Variants in PDE4D observed in about 807,000 individuals in gnomAD.
PDE4D encodes 3',5'-cyclic-AMP phosphodiesterase 4D.
PDE4D carries 24 observed loss-of-function variants against 87.4 expected under a neutral mutation model. That is an observed-to-expected ratio of 0.27 (90% confidence interval 0.20 to 0.39). The LOEUF is 0.39. PDE4D is among the 10% of genes least tolerant of loss of function. PDE4D has a pLI of 1.00. For missense variants in PDE4D, 714 were observed against 1,041.0 expected, an observed-to-expected ratio of 0.69 and a Z score of 4.32; for synonymous variants, 384 against 383.2, an observed-to-expected ratio of 1.00 and a Z score of -0.02.
intron 1 of PDE4D, among the ~76,000 whole-genome samples, chr5:60,302,419 T>G (rs905067805): frequency 6.6e-6 from 1 of 152,164 alleles, no homozygotes; most frequent in Non-Finnish European, 1.5e-5. Flanking sequence ...GTCCAGGAAT[T>G]TACCCATTTT....
chr5:59,940,447 AG>A (rs1011598255), intron 3 of PDE4D, among the ~76,000 whole-genome samples: 1 of 152,102 alleles, frequency 6.6e-6, no homozygotes, highest in Non-Finnish European at 1.5e-5. Flanking sequence ...CTGGTGGTGG[AG>A]GTAGAGAGAG....
chr5:59,727,745 A>G (rs1756812556), intron 1 of PDE4D, among the ~76,000 whole-genome samples: 2 of 152,092 alleles, frequency 1.3e-5, no homozygotes, highest in Non-Finnish European at 2.9e-5. Context: ...CAGCAGTAAC[A>G]TGGAACCAAA....
At chr5:59,435,720 T>C (rs1796715405) in intron 1 of PDE4D, among the ~76,000 whole-genome samples, 2 of 152,168 alleles carry the variant, frequency 1.3e-5, no homozygotes, top group Admixed American at 6.6e-5. Context: ...TTGAACAAGA[T>C]AGCTGAAATT....
At chr5:60,425,870 G>A (rs182579916) in intron 1 of PDE4D, among the ~76,000 whole-genome samples, 3,855 of 152,212 alleles carry the variant, frequency 0.025, 118 homozygotes, top group African/African-American at 0.075. Context: ...AAAAGTGGGC[G>A]AAGGATATGA....
intron 1 of PDE4D, among the ~76,000 whole-genome samples, chr5:59,357,159 C>T (rs1050411396): frequency 7.9e-5 from 12 of 152,090 alleles, no homozygotes; most frequent in African/African-American, 2.9e-4. Flanking sequence ...GATTAAACAG[C>T]ATAGTCACAT....
At chr5:59,408,817 T>G (rs1038737388) in intron 1 of PDE4D, among the ~76,000 whole-genome samples, 22 of 152,146 alleles carry the variant, frequency 1.4e-4, no homozygotes, top group African/African-American at 5.1e-4. Flanking sequence ...GGGTGGGGCC[T>G]GAAGTCATTT....
intron 1 of PDE4D, among the ~76,000 whole-genome samples, chr5:59,775,184 G>C (rs1200341960): frequency 2.6e-5 from 4 of 152,024 alleles, no homozygotes; most frequent in African/African-American, 7.2e-5. Context: ...CTTCAAAGAA[G>C]AAAATAAGTT....
rs111389685 is a variant in PDE4D, at chr5:60,285,314, A to G, written c.-89-99627T>C. Among the ~76,000 whole-genome samples the G allele has an allele frequency of 9.6e-3, 1,390 of 145,262 alleles. 26 individuals are homozygous for G. The highest frequency in any genetic ancestry group is 0.035 in the African/African-American group (1,314 of 37,192). ...GGTGTACTAAAGAATAGCTGTCTAGAATGTCATAGACATTGGTGTGCAGAC... is the reference window on the plus strand; with the variant it reads ...GGTGTACTAAAGAATAGCTGTCTAGGATGTCATAGACATTGGTGTGCAGAC... On this transcript the variant is annotated intron_variant, in intron 1 of 16. Coordinates refer to the PDE4D transcript ENST00000502484.
chr5:60,509,704 G>T (rs374676777), intron 1 of PDE4D, among the ~76,000 whole-genome samples: 1 of 152,038 alleles, frequency 6.6e-6, no homozygotes, highest in East Asian at 1.9e-4. Flanking sequence ...TCTCCCAGTT[G>T]TACCTGACCT....
rs146548666 is a variant in PDE4D at position 59,118,091 on chromosome 5, G to A, written c.808+62504C>T. ...CTATTTTGTATTCTTCATGGTGCCC[G>A]GCACAGTGTGTGGTAAAAAGAGATC... is the stretch of plus-strand genomic sequence containing the variant. On this transcript the variant is annotated intron_variant, in intron 5 of 14. Transcript: ENST00000340635. 2.4e-3 allele frequency among the ~76,000 whole-genome samples: 369 copies of A among 152,240 alleles called. 3 individuals carry two copies. Among genetic ancestry groups the A allele is most frequent in the African/African-American group, 8.5e-3 (355 of 41,528 alleles).
intron 3 of PDE4D, among the ~76,000 whole-genome samples, chr5:59,947,636 TAGAG>T (rs1277936758): frequency 6.6e-6 from 1 of 152,160 alleles, no homozygotes; most frequent in Non-Finnish European, 1.5e-5. Context: ...TAGATACTGA[TAGAG>T]AGGAATTTAT....
At chr5:60,410,293 T>C (rs1201969746) in intron 1 of PDE4D, among the ~76,000 whole-genome samples, 3 of 152,072 alleles carry the variant, frequency 2.0e-5, no homozygotes, top group Admixed American at 6.5e-5. Context: ...TGACTATGCC[T>C]ATGGGTCCAG....
intron 1 of PDE4D, among the ~76,000 whole-genome samples, chr5:59,785,871 C>A (rs1765116015): frequency 6.6e-6 from 1 of 152,062 alleles, no homozygotes; most frequent in Non-Finnish European, 1.5e-5. Flanking sequence ...GCATTTGTTG[C>A]CAATGGCAAT....
At chr5:59,614,272 A>T (rs1041749461) in intron 1 of PDE4D, among the ~76,000 whole-genome samples, 2 of 152,230 alleles carry the variant, frequency 1.3e-5, no homozygotes, top group South Asian at 2.1e-4. Flanking sequence ...AAAATTAAGA[A>T]GGAAGATAAT....
chr5:59,197,626 A>C (rs1056733598), intron 2 of PDE4D, among the ~76,000 whole-genome samples: 1 of 152,206 alleles, frequency 6.6e-6, no homozygotes, highest in Non-Finnish European at 1.5e-5. Context: ...GGCAAGTAAA[A>C]CCTATTTTTA....
rs11350151 is a variant in PDE4D at position 58,994,501 on chromosome 5, CA to C, written c.922-1037del. On this transcript the variant is annotated intron_variant, in intron 6 of 14. Transcript: ENST00000340635. ...AGAGTAACTGCTATTAGATACTTGA[CA>C]AAAAAAAGTCAGATGCATTTACTCT... 9.3e-4 allele frequency among the ~76,000 whole-genome samples: 141 copies of C among 151,590 alleles called. 2 individuals carry two copies. Among genetic ancestry groups the C allele is most frequent in the African/African-American group, 3.1e-3 (128 of 41,378 alleles).
At chr5:60,442,491 G>T (rs902254064) in intron 1 of PDE4D, among the ~76,000 whole-genome samples, 1 of 152,092 alleles carries the variant, frequency 6.6e-6, no homozygotes, top group African/African-American at 2.4e-5. Context: ...TGTAGATGAC[G>T]GTTGATAGGT....
At chr5:60,169,797 C>CA (rs1403753656) in intron 2 of PDE4D, among the ~76,000 whole-genome samples, 2 of 152,022 alleles carry the variant, frequency 1.3e-5, no homozygotes, top group Non-Finnish European at 2.9e-5. Flanking sequence ...ACTGCAGAGA[C>CA]AGAGTCTTAA....
intron 1 of PDE4D, among the ~76,000 whole-genome samples, chr5:59,392,403 G>C (rs1239392796): frequency 6.6e-6 from 1 of 151,540 alleles, no homozygotes; most frequent in African/African-American, 2.4e-5. Context: ...ACTTGGACTG[G>C]CTCTCCTTGC....
Sources: allele counts gnomAD v4.1 joint callset (sites outside exome capture counted in the v4.1 genomes callset), GRCh38; gene constraint gnomAD v4.1.1; transcripts MANE v1.5; gene names NCBI Gene and HGNC (gene_info 2026-07-23, HGNC 2026-07-21).